The following IFT56 variants were observed in gnomAD, a reference collection of about 807,000 sequenced individuals.
IFT56 encodes the protein intraflagellar transport protein 56.
At chr7:139,157,139 C>CTTTTTTTTTTTTTTTTTTTTTTTT in the IFT56 span, among the ~76,000 whole-genome samples, 5 of 82,144 alleles carry the variant, frequency 6.1e-5, no homozygotes, top group Non-Finnish European at 1.2e-4. Flanking sequence ...TCTTTAATTT[C>CTTTTTTTTTTTTTTTTTTTTTTTT]TTTTTTTTTT....
the IFT56 span, among the ~76,000 whole-genome samples, chr7:139,148,910 CA>C: frequency 6.8e-6 from 1 of 147,884 alleles, no homozygotes; most frequent in African/African-American, 2.5e-5. Flanking sequence ...CAAAAAAACC[CA>C]AAAACCAAAA....
At chr7:139,147,225 C>T in the IFT56 span, 1 of 1,613,648 alleles carries the variant, frequency 6.2e-7, no homozygotes, top group Non-Finnish European at 8.5e-7. Flanking sequence ...TGGCCTCAAT[C>T]CACTATATGC....
chr7:139,162,535 TAA>T, the IFT56 span, among the ~76,000 whole-genome samples: 975 of 152,308 alleles, frequency 6.4e-3, 3 homozygotes, highest in Middle Eastern at 0.017. Flanking sequence ...AAGTGGTTGT[TAA>T]AAAACATCAA....
chr7:139,179,175 A>C, the IFT56 span, among the ~76,000 whole-genome samples: 4 of 152,230 alleles, frequency 2.6e-5, no homozygotes, highest in Non-Finnish European at 5.9e-5. Context: ...TGAGCTCAGG[A>C]GTTCGAGACC....
chr7:139,134,553 C>G, the IFT56 span: 3 of 1,316,750 alleles, frequency 2.3e-6, no homozygotes, highest in South Asian at 5.0e-5. Flanking sequence ...CAGGCATGAG[C>G]CACTGTGCCC....
chr7:139,185,730 T>A, the IFT56 span, among the ~76,000 whole-genome samples: 1 of 152,018 alleles, frequency 6.6e-6, no homozygotes, highest in African/African-American at 2.4e-5. Flanking sequence ...ACCTGGGTAG[T>A]GTTTACAGTA....
the IFT56 span, among the ~76,000 whole-genome samples, chr7:139,144,370 T>C: frequency 1.3e-5 from 2 of 152,168 alleles, no homozygotes; most frequent in African/African-American, 4.8e-5. Flanking sequence ...TTGTTGCTCC[T>C]ATGAAGATTT....
the IFT56 span, chr7:139,178,461 G>A: frequency 3.9e-6 from 6 of 1,546,398 alleles, no homozygotes; most frequent in Non-Finnish European, 5.4e-6. Flanking sequence ...ATAACTGATG[G>A]TTATATTTTA....
At chr7:139,169,422 G>T in the IFT56 span, 1 of 1,398,556 alleles carries the variant, frequency 7.2e-7, no homozygotes, top group South Asian at 1.2e-5. Context: ...CGTGAAGTTT[G>T]ATTCTCTGTC....
the IFT56 span, among the ~76,000 whole-genome samples, chr7:139,157,775 A>G: frequency 1.3e-5 from 2 of 152,192 alleles, no homozygotes; most frequent in East Asian, 3.9e-4. Context: ...CAAAACAGTG[A>G]GATTACAGGC....
At chr7:139,168,318 T>C in the IFT56 span, 1 of 1,525,584 alleles carries the variant, frequency 6.6e-7, no homozygotes, top group Non-Finnish European at 9.0e-7. Flanking sequence ...ACATTCCTCT[T>C]AATCAGTGTT....
At chr7:139,168,340 C>T in the IFT56 span, 1 of 1,594,692 alleles carries the variant, frequency 6.3e-7, no homozygotes, top group East Asian at 2.2e-5. Context: ...TTCCATGTTT[C>T]TAGGAGTATA....
chr7:139,176,363 A>T, the IFT56 span, among the ~76,000 whole-genome samples: 2 of 152,156 alleles, frequency 1.3e-5, no homozygotes, highest in Non-Finnish European at 2.9e-5. Flanking sequence ...AAAAATTAAA[A>T]AAAATAAAGT....
At chr7:139,147,305 A>G in the IFT56 span, 1 of 1,587,618 alleles carries the variant, frequency 6.3e-7, no homozygotes, top group Admixed American at 1.8e-5. Flanking sequence ...GTGTCCTTTT[A>G]TGCCCACTCT....
At chr7:139,180,010 G>A in the IFT56 span, among the ~76,000 whole-genome samples, 1 of 152,204 alleles carries the variant, frequency 6.6e-6, no homozygotes, top group Non-Finnish European at 1.5e-5. Context: ...TCTGAAAAGT[G>A]GCAAAATGTC....
the IFT56 span, among the ~76,000 whole-genome samples, chr7:139,183,700 T>TAA: frequency 1.3e-5 from 2 of 150,774 alleles, no homozygotes; most frequent in Non-Finnish European, 3.0e-5. Context: ...AACCATGAAA[T>TAA]ACTTTGGCAG....
chr7:139,134,970 G>A, the IFT56 span, among the ~76,000 whole-genome samples: 26 of 152,186 alleles, frequency 1.7e-4, 1 homozygote, highest in East Asian at 4.4e-3. Context: ...CTATAAACCT[G>A]ATAAAAAACG....
the IFT56 span, among the ~76,000 whole-genome samples, chr7:139,145,541 C>T: frequency 9.3e-4 from 141 of 152,164 alleles, 2 homozygotes; most frequent in Non-Finnish European, 5.7e-4. Context: ...CCTTGTGCCT[C>T]AGCCTCCCAA....
At chr7:139,178,729 G>A in the IFT56 span, 14 of 772,116 alleles carry the variant, frequency 1.8e-5, no homozygotes, top group Non-Finnish European at 2.7e-5. Flanking sequence ...GCATGAATAA[G>A]TACACTGTGG....
Sources: gnomAD v4.1 joint callset for allele counts (sites outside exome capture counted in the v4.1 genomes callset) on GRCh38, gnomAD v4.1.1 for gene constraint, MANE v1.5 for transcripts, NCBI Gene and HGNC (gene_info 2026-07-23, HGNC 2026-07-21) for gene names.